Variants in PTPRQ observed in about 807,000 individuals in gnomAD.
PTPRQ encodes protein tyrosine phosphatase receptor type Q.
In PTPRQ, 199 loss-of-function variants were observed where a neutral mutation model predicts 246.0. The observed-to-expected ratio is 0.81, with a 90% confidence interval of 0.72 to 0.91. The LOEUF (loss-of-function observed/expected upper bound fraction) is 0.91. PTPRQ is among the 40% of genes least tolerant of loss of function. The pLI, the probability that PTPRQ is intolerant of heterozygous loss-of-function variation, is 0.00. For synonymous variants in PTPRQ, 869 were observed against 853.2 expected (o/e 1.02, Z -0.32); for missense variants, 2,624 against 2,528.4 (o/e 1.04, Z -0.81).
chr12:80,477,215 A>G (rs1399961893), intron 8 of PTPRQ, among the ~76,000 whole-genome samples: 1 of 151,826 alleles, frequency 6.6e-6, no homozygotes, highest in Non-Finnish European at 1.5e-5. Context: ...TATTTTTAAA[A>G]TATCAGAAAA....
intron 26 of PTPRQ, among the ~76,000 whole-genome samples, chr12:80,602,726 G>T (rs1388064523): frequency 1.3e-5 from 2 of 151,702 alleles, no homozygotes; most frequent in African/African-American, 4.8e-5. Context: ...TCTAAATTTT[G>T]GAGGGGACAT....
At chr12:80,492,016 C>G (rs1443357303) in intron 9 of PTPRQ, among the ~76,000 whole-genome samples, 1 of 151,458 alleles carries the variant, frequency 6.6e-6, no homozygotes. Context: ...AGTTTTGAAG[C>G]AGAACTTGAA....
intron 26 of PTPRQ, among the ~76,000 whole-genome samples, chr12:80,602,963 A>G (rs1898192819): frequency 6.6e-6 from 1 of 151,592 alleles, no homozygotes; most frequent in African/African-American, 2.4e-5. Flanking sequence ...GGCCTCTCAG[A>G]CTTCTGGAGG....
chr12:80,452,320 T>C (rs1892792629), intron 3 of PTPRQ, among the ~76,000 whole-genome samples: 2 of 151,880 alleles, frequency 1.3e-5, no homozygotes, highest in East Asian at 1.9e-4. Flanking sequence ...CTTTATCCAA[T>C]TTGCCAGTCT....
intron 17 of PTPRQ, among the ~76,000 whole-genome samples, chr12:80,516,051 C>T (rs751465706): frequency 5.3e-5 from 8 of 151,958 alleles, no homozygotes; most frequent in African/African-American, 9.7e-5. Context: ...ATAAATAACA[C>T]GTATTTTTCA....
At chr12:80,601,152 AT>A (rs1225980854) in intron 26 of PTPRQ, among the ~76,000 whole-genome samples, 6 of 151,758 alleles carry the variant, frequency 4.0e-5, no homozygotes, top group Non-Finnish European at 8.8e-5. Context: ...ACCTTGTCTC[AT>A]TTTTCACCAT....
chr12:80,597,813 C>T (rs1898019313), intron 26 of PTPRQ, among the ~76,000 whole-genome samples: 1 of 151,986 alleles, frequency 6.6e-6, no homozygotes, highest in Non-Finnish European at 1.5e-5. Context: ...GCCTCAGAAA[C>T]TGCTTTTCTA....
intron 23 of PTPRQ, 119 bp from the exon 24 acceptor site, chr12:80,546,437 A>G: frequency 1.0e-6 from 1 of 988,904 alleles, no homozygotes. Context: ...ATAATTTAAA[A>G]TATCCATGCT....
rs543565019 is a variant in PTPRQ, at chr12:80,636,534, C to T, written c.5915+1461C>T. Among the ~76,000 whole-genome samples, 36 of 152,272 alleles carry T rather than the reference C, an allele frequency of 2.4e-4. No homozygotes were observed. The South Asian group carries it at 6.6e-3, about 28-fold the overall frequency. On this transcript the variant is annotated intron_variant, in intron 35 of 44. Transcript: ENST00000644991. ...GCACTCCATCGTCAGTTCCTTTTGC[C>T]CCTCCTCAGGCCTGTGTGGCCCATC...
chr12:80,521,850 T>C (rs1895503200), intron 17 of PTPRQ, among the ~76,000 whole-genome samples: 6 of 152,208 alleles, frequency 3.9e-5, no homozygotes, highest in Admixed American at 3.9e-4. Flanking sequence ...ATGTGGGCTC[T>C]TTTTTGGTTC....
chr12:80,486,480 G>T (rs1388909518), intron 9 of PTPRQ, among the ~76,000 whole-genome samples: 1 of 152,056 alleles, frequency 6.6e-6, no homozygotes, highest in Non-Finnish European at 1.5e-5. Flanking sequence ...AATCCAAATG[G>T]CCCTGGGTTC....
At chr12:80,514,224 A>G (rs1895210304) in intron 17 of PTPRQ, among the ~76,000 whole-genome samples, 1 of 151,382 alleles carries the variant, frequency 6.6e-6, no homozygotes, top group Non-Finnish European at 1.5e-5. Flanking sequence ...TCTTCCGTAT[A>G]CTCTTTCCTT....
intron 43 of PTPRQ, among the ~76,000 whole-genome samples, chr12:80,674,934 A>AT (rs1224519827): frequency 1.3e-5 from 2 of 152,054 alleles, no homozygotes; most frequent in Admixed American, 1.3e-4. Context: ...AGTCTTGCCA[A>AT]TTTTTTGTCA....
At chr12:80,642,932 A>AAGAAAAC (rs1565836947) in intron 35 of PTPRQ, among the ~76,000 whole-genome samples, 1 of 131,556 alleles carries the variant, frequency 7.6e-6, no homozygotes, top group Non-Finnish European at 1.5e-5. Flanking sequence ...AAAAAAAAAA[A>AAGAAAAC]AAAAAAAAAA....
intron 9 of PTPRQ, among the ~76,000 whole-genome samples, chr12:80,489,561 G>A (rs1894381412): frequency 6.6e-6 from 1 of 151,882 alleles, no homozygotes; most frequent in African/African-American, 2.4e-5. Flanking sequence ...TGGCTTCTAG[G>A]TCCTTCATAT....
intron 17 of PTPRQ, among the ~76,000 whole-genome samples, chr12:80,520,689 T>C (rs1454912174): frequency 1.3e-5 from 2 of 151,924 alleles, no homozygotes; most frequent in Admixed American, 6.6e-5. Flanking sequence ...AGGACATGAA[T>C]TCATCATTTT....
rs553159923 is a variant in PTPRQ, at chr12:80,491,984, A to T, written c.1360-1291A>T. ...AATTGATAAGGAATAGAATTTTTTT[A>T]AAAAAAGGGGTTTTGGAGGTAAGTT... is the stretch of plus-strand genomic sequence containing the variant. On this transcript the variant is annotated intron_variant, in intron 9 of 44. Transcript: ENST00000644991. 9.9e-5 allele frequency among the ~76,000 whole-genome samples: 15 copies of T among 151,906 alleles called. No homozygotes were observed. In the East Asian group the frequency reaches 1.5e-3, roughly 16 times the overall value.
intron 17 of PTPRQ, among the ~76,000 whole-genome samples, chr12:80,521,526 A>G (rs959902366): frequency 6.6e-6 from 1 of 152,108 alleles, no homozygotes; most frequent in Non-Finnish European, 1.5e-5. Context: ...ATCCATCTTG[A>G]ATTAATTTTT....
intron 29 of PTPRQ, among the ~76,000 whole-genome samples, chr12:80,614,998 A>G (rs1321444632): frequency 6.6e-6 from 1 of 150,946 alleles, no homozygotes; most frequent in Non-Finnish European, 1.5e-5. Context: ...TAGGATGTAT[A>G]ACTTTAGCAC....
Sources: gnomAD v4.1 joint callset for allele counts (sites outside exome capture counted in the v4.1 genomes callset) on GRCh38, gnomAD v4.1.1 for gene constraint, MANE v1.5 for transcripts, NCBI Gene and HGNC (gene_info 2026-07-23, HGNC 2026-07-21) for gene names.